Variants in WDR62 observed in about 807,000 individuals in gnomAD.
The protein encoded by WDR62 is WD repeat-containing protein 62.
In WDR62, 112 loss-of-function variants were observed where a neutral mutation model predicts 160.6. That is an observed-to-expected ratio of 0.70 (90% CI 0.60 to 0.82). The LOEUF (loss-of-function observed/expected upper bound fraction) is 0.82. WDR62 is among the 40% of genes least tolerant of loss of function. The probability of loss-of-function intolerance (pLI) is 0.00; values close to 1 mark genes in which losing one functional copy is unlikely to be tolerated. For missense variants in WDR62, 1,819 were observed against 1,983.8 expected, an observed-to-expected ratio of 0.92 and a Z score of 1.58; for synonymous variants, 792 against 815.1, an observed-to-expected ratio of 0.97 and a Z score of 0.48.
intron 3 of WDR62, 64 bp from the exon 4 acceptor site, chr19:36,065,894 C>T: frequency 6.5e-7 from 1 of 1,535,828 alleles, no homozygotes; most frequent in Admixed American, 1.7e-5. Flanking sequence ...TCAGAGTCGC[C>T]AGGATGGGGT....
At position 36,099,412 on chromosome 19, in the gene WDR62, A is replaced by T. The variant is rs781054797; in HGVS notation, c.2534A>T (p.Asp845Val). Residue 845 changes from aspartate to valine, a missense_variant, in exon 22 of 32, where the codon GAT becomes GTT. By Grantham distance (152) the Asp-to-Val change is radical. This residue lies in a region of WDR62 where 934 missense variants were observed against 1,157.2 expected (regional missense o/e 0.81). Coordinates refer to ENST00000401500, the MANE Select transcript of WDR62 (RefSeq NM_001083961.2). ...ATATCCTTCAAGCTAGGGGACGATG[A>T]TGTGGCAGATGGCTTGGCCTTCCAC... ...LWAKRLLGDD[D>V]VADGLAFHAK... The T allele has an allele frequency of 6.2e-7, 1 of 1,613,650 alleles. No individual in the cohort carries two copies. The highest frequency in any genetic ancestry group is 8.5e-7 in the Non-Finnish European group (1 of 1,179,990).
At chr19:36,080,367 G>C (rs1444311595) in intron 9 of WDR62, among the ~76,000 whole-genome samples, 1 of 151,960 alleles carries the variant, frequency 6.6e-6, no homozygotes, top group Non-Finnish European at 1.5e-5. Flanking sequence ...TCCCGCCTCG[G>C]CCTCCCGAAG....
chr19:36,074,582 T>C (rs1971478015), intron 9 of WDR62, among the ~76,000 whole-genome samples: 1 of 152,136 alleles, frequency 6.6e-6, no homozygotes, highest in South Asian at 2.1e-4. Context: ...AATTTCTTAC[T>C]GGGAATGTTT....
rs1372183402 is a variant in WDR62 at position 36,066,526 on chromosome 19, CTCA to C, written c.561+100_561+102del. 19 of 1,345,664 alleles carry C rather than the reference CTCA, an allele frequency of 1.4e-5. No individual in the cohort carries two copies. In the African/African-American group the frequency reaches 2.6e-4, roughly 18 times the overall value. The allele number at this position is 1,345,664 out of a possible 1,614,324, so 83.4% of individuals were successfully genotyped here. A position where few individuals can be genotyped will look rare whatever the true frequency, so the allele number is the denominator to read the frequency against. ...CTACATGAGAGGACGCAGTAAAGTG[CTCA>C]CTCACCCAACAGATAACAGCTATTG... On this transcript the variant is annotated intron_variant, in intron 5 of 31. Coordinates refer to ENST00000401500, the MANE Select transcript of WDR62 (RefSeq NM_001083961.2).
intron 19 of WDR62, 147 bp from the exon 20 acceptor site, chr19:36,093,884 C>T: frequency 1.1e-6 from 1 of 941,936 alleles, no homozygotes; most frequent in Non-Finnish European, 1.7e-6. Context: ...GAGACGGCAT[C>T]AAGTGAGAGA....
chr19:36,064,005 T>G (rs908470879), intron 3 of WDR62, among the ~76,000 whole-genome samples: 3 of 152,198 alleles, frequency 2.0e-5, no homozygotes, highest in Non-Finnish European at 2.9e-5. Flanking sequence ...GGCAGGGGAC[T>G]TCCTTGTGTT....
At chr19:36,074,686 G>A (rs1338454926) in intron 9 of WDR62, among the ~76,000 whole-genome samples, 1 of 152,136 alleles carries the variant, frequency 6.6e-6, no homozygotes, top group Non-Finnish European at 1.5e-5. Context: ...TATGACTCTG[G>A]TTGAATCTGT....
chr19:36,098,390 C>T (rs1308400542), intron 21 of WDR62, among the ~76,000 whole-genome samples: 2 of 151,516 alleles, frequency 1.3e-5, no homozygotes, highest in Non-Finnish European at 2.9e-5. Context: ...CATGGTAAAA[C>T]CCCGTCTCTA....
At chr19:36,069,565 C>A (rs536294571) in intron 7 of WDR62, among the ~76,000 whole-genome samples, 156 of 152,270 alleles carry the variant, frequency 1.0e-3, no homozygotes, top group Non-Finnish European at 1.7e-3. Context: ...CAGGCAGAGA[C>A]GCTCCTCACT....
intron 9 of WDR62, among the ~76,000 whole-genome samples, chr19:36,076,193 A>G (rs1313574606): frequency 6.6e-6 from 1 of 152,100 alleles, no homozygotes; most frequent in Admixed American, 6.6e-5. Flanking sequence ...TGGGATGCCA[A>G]TATGTTCCAG....
chr19:36,058,404 C>T (rs1186102964), intron 1 of WDR62, among the ~76,000 whole-genome samples: 2 of 152,202 alleles, frequency 1.3e-5, no homozygotes, highest in African/African-American at 2.4e-5. Context: ...ACCTTCTCAC[C>T]GCGGCATTCG....
intron 12 of WDR62, among the ~76,000 whole-genome samples, chr19:36,085,523 C>T (rs983334019): frequency 2.7e-5 from 4 of 149,866 alleles, no homozygotes; most frequent in East Asian, 2.0e-4. Context: ...CAGGTTGAAG[C>T]GATTCCCCTG....
intron 21 of WDR62, 141 bp from the exon 22 acceptor site, chr19:36,099,258 A>AT: frequency 3.0e-6 from 2 of 657,496 alleles, no homozygotes; most frequent in Non-Finnish European, 5.4e-6. Flanking sequence ...AGAAAGGTTC[A>AT]CGCTGGAGAT....
Position 36,081,498 on chromosome 19 carries a change from A to G in WDR62, c.1299A>G (p.Ser433=). 1 of 1,614,190 alleles carries G rather than the reference A, an allele frequency of 6.2e-7. No homozygotes were observed. The highest frequency in any genetic ancestry group is 8.5e-7 in the Non-Finnish European group (1 of 1,180,028). ...LPSGSFLTCS[S]DNTIRFWNLD... is the part of the protein sequence containing the mutation. ...CAGGATCCTTTCTGACTTGTTCTTC[A>G]GACAACACCATTCGCTTCTGGAACT... Residue 433 remains serine, a synonymous_variant, in exon 10 of 32, where the codon TCA becomes TCG. Transcript: ENST00000401500.
At chr19:36,109,755 CAA>C (rs1039962540), downstream of WDR62, among the ~76,000 whole-genome samples, 4 of 142,714 alleles carry the variant, frequency 2.8e-5, no homozygotes, top group African/African-American at 1.1e-4. Context: ...CAAAACAAAA[CAA>C]AAAAAATAAA....
At chr19:36,091,659 C>T (rs1332915717) in intron 18 of WDR62, among the ~76,000 whole-genome samples, 194 bp downstream of exon 18, 12 of 151,794 alleles carry the variant, frequency 7.9e-5, no homozygotes, top group Admixed American at 5.2e-4. Context: ...CACTTTGGGA[C>T]GCTGAGGCGG....
In WDR62 at chr19:36,073,391, C is replaced by T. The variant is rs747940892; in HGVS notation, c.1093C>T (p.Leu365=). The stretch of plus-strand genomic sequence containing the variant: ...AGCAGTCTACCCAGATACAGTGGCA[C>T]TGACCTTCGACCCCATCCACCAGTG... ...AEAVYPDTVA[L]TFDPIHQWLS... is the part of the protein sequence containing the mutation. Residue 365 remains leucine, a synonymous_variant, in exon 9 of 32, where the codon CTG becomes TTG. Transcript: ENST00000401500. The T allele has an allele frequency of 1.9e-6, 3 of 1,614,186 alleles. No homozygotes were observed. In the South Asian group the frequency reaches 3.3e-5, roughly 18 times the overall value.
the WDR62 span, chr19:36,111,105 A>G: frequency 4.4e-6 from 5 of 1,124,072 alleles, no homozygotes; most frequent in Non-Finnish European, 6.2e-6. Flanking sequence ...GGTTCCTCAG[A>G]GGCTTCCCCT....
chr19:36,057,864 C>T (rs559543456), intron 1 of WDR62, among the ~76,000 whole-genome samples: 4 of 152,296 alleles, frequency 2.6e-5, no homozygotes, highest in Middle Eastern at 3.4e-3. Context: ...AACTGTCTAC[C>T]TTTGGTCACT....
Sources: gnomAD v4.1 joint callset for allele counts (sites outside exome capture counted in the v4.1 genomes callset) on GRCh38, gnomAD v4.1.1 for gene constraint, gnomAD v4.1.1 regional missense constraint, MANE v1.5 for transcripts, NCBI Gene and HGNC (gene_info 2026-07-23, HGNC 2026-07-21) for gene names.